MARCHF1: variants seen among roughly 807,000 people sequenced by gnomAD.
MARCHF1 encodes membrane associated ring-CH-type finger 1, also known as E3 ubiquitin-protein ligase MARCHF1.
Under a neutral mutation model 54.2 loss-of-function variants are expected in MARCHF1, and 40 were observed. The ratio of observed to expected loss-of-function variants is 0.74; its 90% CI spans 0.57 to 0.96. The LOEUF is 0.96. Ranked by LOEUF, MARCHF1 falls within the 40% of genes least tolerant of loss-of-function variation. The pLI is 0.00. For synonymous variants in MARCHF1, 236 were observed against 236.3 expected (o/e 1.00, Z 0.01); for missense variants, 586 against 656.5 (o/e 0.89, Z 1.17).
intron 1 of MARCHF1, among the ~76,000 whole-genome samples, chr4:164,269,536 A>T (rs917185342): frequency 1.7e-4 from 26 of 152,182 alleles, no homozygotes; most frequent in African/African-American, 6.3e-4. Flanking sequence ...AATATCTCAG[A>T]TTATAATCCT....
At chr4:164,021,384 T>C (rs560925549) in intron 2 of MARCHF1, among the ~76,000 whole-genome samples, 3 of 152,188 alleles carry the variant, frequency 2.0e-5, no homozygotes, top group Non-Finnish European at 4.4e-5. Flanking sequence ...CTGCTGATAC[T>C]AGTCTCAGAG....
chr4:164,034,694 A>C (rs1753956333), intron 2 of MARCHF1, among the ~76,000 whole-genome samples: 1 of 152,170 alleles, frequency 6.6e-6, no homozygotes, highest in African/African-American at 2.4e-5. Flanking sequence ...TGGAAATAAC[A>C]GTTATAGTAA....
chr4:164,136,179 A>C (rs1361158218), intron 1 of MARCHF1, among the ~76,000 whole-genome samples: 1 of 151,098 alleles, frequency 6.6e-6, no homozygotes, highest in African/African-American at 2.4e-5. Context: ...TGTTCTTCTC[A>C]CAGTGCACCG....
At chr4:163,986,883 G>A (rs1752880891) in intron 3 of MARCHF1, among the ~76,000 whole-genome samples, 1 of 152,194 alleles carries the variant, frequency 6.6e-6, no homozygotes, top group Admixed American at 6.5e-5. Context: ...ACCTGGAATT[G>A]ACACAATGTT....
intron 4 of MARCHF1, among the ~76,000 whole-genome samples, chr4:163,786,396 G>A (rs181157799): frequency 4.3e-4 from 66 of 152,018 alleles, no homozygotes; most frequent in African/African-American, 1.5e-3. Flanking sequence ...AAACTGGTAA[G>A]AGAAAACAAA....
chr4:164,049,197 A>G (rs1195826710), intron 2 of MARCHF1, among the ~76,000 whole-genome samples: 3 of 152,208 alleles, frequency 2.0e-5, no homozygotes, highest in Non-Finnish European at 4.4e-5. Flanking sequence ...CACATTTTAC[A>G]TGGTGGCAGG....
rs188905002 is a variant in MARCHF1 at position 163,726,056 on chromosome 4, A to G, written c.112-25193T>C. On this transcript the variant is annotated intron_variant, in intron 4 of 9. Transcript: ENST00000514618. Reference sequence around the variant, plus strand: ...GATTTCCCTTATATCCCCCATCCCTACATATATACAGCCTCCCCACTATCA... The same window carrying G: ...GATTTCCCTTATATCCCCCATCCCTGCATATATACAGCCTCCCCACTATCA... 3.7e-3 allele frequency among the ~76,000 whole-genome samples: 569 copies of G among 152,232 alleles called. 3 individuals are homozygous for G. Among genetic ancestry groups the G allele is most frequent in the Admixed American group, 9.8e-3 (149 of 15,282 alleles).
chr4:164,369,636 T>C (rs1730978301), intron 1 of MARCHF1, among the ~76,000 whole-genome samples: 1 of 152,232 alleles, frequency 6.6e-6, no homozygotes, highest in Non-Finnish European at 1.5e-5. Context: ...TGTATGTAAT[T>C]ATATATGTAC....
intron 5 of MARCHF1, among the ~76,000 whole-genome samples, chr4:163,620,118 A>C (rs1403782254): frequency 1.3e-5 from 2 of 152,180 alleles, no homozygotes; most frequent in Admixed American, 1.3e-4. Flanking sequence ...ACAGGTAGGT[A>C]GTTCACAGAA....
intron 4 of MARCHF1, among the ~76,000 whole-genome samples, chr4:163,706,595 A>T (rs1391103253): frequency 6.6e-6 from 1 of 152,022 alleles, no homozygotes; most frequent in Non-Finnish European, 1.5e-5. Context: ...AGGAGTATAA[A>T]TTGTGATCTG....
At chr4:163,875,218 G>GA (rs943761813) in intron 3 of MARCHF1, among the ~76,000 whole-genome samples, 44 of 148,232 alleles carry the variant, frequency 3.0e-4, no homozygotes, top group Non-Finnish European at 4.8e-4. Context: ...ATGCTTTTTT[G>GA]AAAAAAAAAA....
intron 2 of MARCHF1, among the ~76,000 whole-genome samples, chr4:164,003,202 T>C (rs966985303): frequency 1.3e-5 from 2 of 151,740 alleles, no homozygotes; most frequent in Middle Eastern, 3.2e-3. Flanking sequence ...ATTAAATAGA[T>C]ATTGCTAATA....
intron 3 of MARCHF1, among the ~76,000 whole-genome samples, chr4:163,859,288 G>A (rs1749855459): frequency 6.6e-6 from 1 of 151,858 alleles, no homozygotes; most frequent in African/African-American, 2.4e-5. Flanking sequence ...TGGCATGATG[G>A]TGAATGAAGA....
At chr4:164,173,341 G>GT (rs1287729032) in intron 1 of MARCHF1, among the ~76,000 whole-genome samples, 2 of 152,154 alleles carry the variant, frequency 1.3e-5, no homozygotes. Context: ...TATTATGACT[G>GT]TTTTTTCCAG....
intron 2 of MARCHF1, among the ~76,000 whole-genome samples, chr4:164,104,024 A>G (rs1219476634): frequency 6.6e-6 from 1 of 151,646 alleles, no homozygotes; most frequent in Non-Finnish European, 1.5e-5. Flanking sequence ...GAAGAAATGG[A>G]TAAATTCCTG....
intron 4 of MARCHF1, among the ~76,000 whole-genome samples, chr4:163,830,590 G>A (rs1256594655): frequency 6.6e-6 from 1 of 151,960 alleles, no homozygotes; most frequent in Non-Finnish European, 1.5e-5. Flanking sequence ...TTGTAGCTAG[G>A]GTTCTAGGTG....
intron 3 of MARCHF1, among the ~76,000 whole-genome samples, chr4:163,859,826 G>T (rs1211053737): frequency 6.6e-5 from 10 of 152,156 alleles, no homozygotes; most frequent in Non-Finnish European, 1.3e-4. Context: ...TGACCCCAAA[G>T]AGAGAATGAA....
At chr4:163,982,426 C>T (rs1752781594) in intron 3 of MARCHF1, among the ~76,000 whole-genome samples, 1 of 152,198 alleles carries the variant, frequency 6.6e-6, no homozygotes. Flanking sequence ...TTTGTGATTG[C>T]TGTACCCAGA....
At chr4:163,809,930 C>T (rs1195111867) in intron 4 of MARCHF1, among the ~76,000 whole-genome samples, 2 of 151,864 alleles carry the variant, frequency 1.3e-5, no homozygotes, top group African/African-American at 2.4e-5. Context: ...TCAGTAACTA[C>T]CACAAAACTT....
Sources: allele counts gnomAD v4.1 joint callset (sites outside exome capture counted in the v4.1 genomes callset), GRCh38; gene constraint gnomAD v4.1.1; transcripts MANE v1.5; gene names NCBI Gene and HGNC (gene_info 2026-07-23, HGNC 2026-07-21).